Variants in CLSTN2 observed in about 807,000 individuals in gnomAD.
CLSTN2 encodes the protein calsyntenin 2.
In CLSTN2, 48 loss-of-function variants were observed where a neutral mutation model predicts 101.2. The ratio of observed to expected loss-of-function variants is 0.47; its 90% CI spans 0.38 to 0.60. The LOEUF (loss-of-function observed/expected upper bound fraction) is 0.60. Among genes scored for constraint, CLSTN2 ranks in the 20% least tolerant of loss-of-function variants. The pLI, the probability that CLSTN2 is intolerant of heterozygous loss-of-function variation, is 0.00. For synonymous variants in CLSTN2, 481 were observed against 463.6 expected, an observed-to-expected ratio of 1.04 and a Z score of -0.48; for missense variants, 1,160 against 1,238.2, an observed-to-expected ratio of 0.94 and a Z score of 0.95.
At chr3:140,131,416 T>C (rs1278625127) in intron 1 of CLSTN2, among the ~76,000 whole-genome samples, 1 of 151,832 alleles carries the variant, frequency 6.6e-6, no homozygotes, top group African/African-American at 2.4e-5. Flanking sequence ...TCTTCTGAAA[T>C]ACAAATTATG....
At chr3:140,558,194 C>G (rs1007765527) in intron 11 of CLSTN2, among the ~76,000 whole-genome samples, 1 of 152,196 alleles carries the variant, frequency 6.6e-6, no homozygotes, top group Non-Finnish European at 1.5e-5. Context: ...AAAAGGCACA[C>G]GTGTGTGATA....
intron 1 of CLSTN2, among the ~76,000 whole-genome samples, chr3:139,950,441 G>A (rs539788676): frequency 2.0e-5 from 3 of 152,298 alleles, no homozygotes; most frequent in African/African-American, 7.2e-5. Flanking sequence ...CCCTACATGG[G>A]CTGAGGTTGA....
chr3:140,539,470 C>T lies in CLSTN2; in HGVS notation c.1507+6984C>T, dbSNP rs1476398271. Among the ~76,000 whole-genome samples the T allele has an allele frequency of 4.6e-5, 7 of 152,228 alleles. No individual in the cohort carries two copies. In the East Asian group the frequency reaches 1.2e-3, roughly 25 times the overall value. On this transcript the variant is annotated intron_variant, in intron 9 of 16. Transcript: ENST00000458420. ...GAGTATCACTGAGTTATAATTTTAA[C>T]TTTGTATCAATTTTGAAGATGTTAT... is the stretch of plus-strand genomic sequence containing the variant.
At chr3:140,060,686 T>C (rs2008189325) in intron 1 of CLSTN2, among the ~76,000 whole-genome samples, 1 of 152,134 alleles carries the variant, frequency 6.6e-6, no homozygotes, top group South Asian at 2.1e-4. Flanking sequence ...CCATCACCAA[T>C]AGGGCTGCCT....
Position 140,566,242 on chromosome 3 carries a change from C to T in CLSTN2, c.2857C>T (p.Leu953Phe), listed in dbSNP as rs1343675022. 2 of 1,567,820 alleles carry T rather than the reference C, an allele frequency of 1.3e-6. No individual in the cohort carries two copies. Among genetic ancestry groups the T allele is most frequent in the Non-Finnish European group, 1.7e-6 (2 of 1,156,142 alleles). The stretch of plus-strand genomic sequence containing the variant: ...CCAGCTGGAGTGGGATGACTCCACC[C>T]TCCCCTACTAGTGCCCAGGGGTCTG... ...QAQLEWDDST[L>F]PY The change falls in exon 17 of 17, where the codon CTC becomes TTC. Residue 953 changes from leucine (L) to phenylalanine (F), a missense_variant. Coordinates refer to ENST00000458420, the MANE Select transcript of CLSTN2 (RefSeq NM_022131.3).
chr3:140,408,055 A>G (rs2088324173), intron 4 of CLSTN2, among the ~76,000 whole-genome samples: 1 of 152,174 alleles, frequency 6.6e-6, no homozygotes, highest in African/African-American at 2.4e-5. Flanking sequence ...GCTGTAGGAG[A>G]GCTCAGGAGT....
intron 2 of CLSTN2, among the ~76,000 whole-genome samples, chr3:140,224,405 GT>G (rs1207683897): frequency 6.6e-6 from 1 of 152,178 alleles, no homozygotes. Flanking sequence ...TTTAGCTAGT[GT>G]TTATTGAGTA....
At chr3:140,350,947 A>G (rs919345270) in intron 2 of CLSTN2, among the ~76,000 whole-genome samples, 1 of 152,188 alleles carries the variant, frequency 6.6e-6, no homozygotes, top group Non-Finnish European at 1.5e-5. Flanking sequence ...CAGACCCTGC[A>G]GTAGATTTAT....
intron 5 of CLSTN2, among the ~76,000 whole-genome samples, chr3:140,447,882 G>A (rs1403946594): frequency 6.6e-6 from 1 of 152,214 alleles, no homozygotes; most frequent in Non-Finnish European, 1.5e-5. Flanking sequence ...TTGCCTTGAG[G>A]AGATCTGACG....
chr3:139,991,724 C>G (rs561937470), intron 1 of CLSTN2, among the ~76,000 whole-genome samples: 1 of 152,332 alleles, frequency 6.6e-6, no homozygotes, highest in South Asian at 2.1e-4. Context: ...AAACTTGACT[C>G]AAACTGGCTC....
intron 1 of CLSTN2, among the ~76,000 whole-genome samples, chr3:140,076,110 T>G (rs2107778815): frequency 6.6e-6 from 1 of 152,304 alleles, no homozygotes; most frequent in South Asian, 2.1e-4. Context: ...TCCGGCCTTC[T>G]GTATGTGTTT....
At chr3:140,433,279 C>G (rs1419146353) in intron 5 of CLSTN2, among the ~76,000 whole-genome samples, 1 of 152,230 alleles carries the variant, frequency 6.6e-6, no homozygotes, top group Non-Finnish European at 1.5e-5. Flanking sequence ...AGGCCCACCA[C>G]TGGGACCTGT....
chr3:140,352,886 G>T (rs1173303989), intron 2 of CLSTN2, among the ~76,000 whole-genome samples: 1 of 152,118 alleles, frequency 6.6e-6, no homozygotes, highest in South Asian at 2.1e-4. Context: ...TAGTAATACA[G>T]TTGGCCCTCC....
chr3:140,200,119 G>C (rs928992275), intron 2 of CLSTN2, among the ~76,000 whole-genome samples: 8 of 152,194 alleles, frequency 5.3e-5, no homozygotes, highest in Admixed American at 1.3e-4. Flanking sequence ...TTCTTTCCCT[G>C]GGAACTTTGT....
chr3:139,947,631 G>A (rs1185292532), intron 1 of CLSTN2, among the ~76,000 whole-genome samples: 1 of 152,162 alleles, frequency 6.6e-6, no homozygotes, highest in African/African-American at 2.4e-5. Flanking sequence ...GAATGTCATA[G>A]CTAAGACCCC....
At chr3:140,141,909 C>A (rs2009705866) in intron 1 of CLSTN2, among the ~76,000 whole-genome samples, 1 of 152,208 alleles carries the variant, frequency 6.6e-6, no homozygotes, top group South Asian at 2.1e-4. Context: ...CTGCGCTTAC[C>A]CCAGAAGGGG....
intron 2 of CLSTN2, among the ~76,000 whole-genome samples, chr3:140,273,046 G>A (rs2086758649): frequency 6.6e-6 from 1 of 152,248 alleles, no homozygotes; most frequent in Middle Eastern, 3.4e-3. Context: ...GAGGAGGGAA[G>A]CATCTTCTTC....
intron 6 of CLSTN2, among the ~76,000 whole-genome samples, chr3:140,450,397 C>A (rs140241726): frequency 6.6e-6 from 1 of 152,172 alleles, no homozygotes; most frequent in African/African-American, 2.4e-5. Context: ...TCTCATAAGG[C>A]GAGAAGTGCC....
chr3:140,302,321 C>A (rs1034971842), intron 2 of CLSTN2, among the ~76,000 whole-genome samples: 2 of 152,026 alleles, frequency 1.3e-5, no homozygotes, highest in Non-Finnish European at 2.9e-5. Context: ...CATACAGGGA[C>A]CATATTTATG....
Sources: allele counts gnomAD v4.1 joint callset (sites outside exome capture counted in the v4.1 genomes callset), GRCh38; gene constraint gnomAD v4.1.1; transcripts MANE v1.5; gene names NCBI Gene and HGNC (gene_info 2026-07-23, HGNC 2026-07-21).